The following GPM6A variants were observed in gnomAD, a reference collection of about 807,000 sequenced individuals.
GPM6A encodes the protein neuronal membrane glycoprotein M6-a.
Under a neutral mutation model 32.1 loss-of-function variants are expected in GPM6A, and 7 were observed. The ratio of observed to expected loss-of-function variants is 0.22; its 90% CI spans 0.12 to 0.41. GPM6A has a LOEUF of 0.41. Ranked by LOEUF, GPM6A falls within the 10% of genes least tolerant of loss-of-function variation. The pLI, the probability that GPM6A is intolerant of heterozygous loss-of-function variation, is 1.00. For synonymous variants in GPM6A, 130 were observed against 123.4 expected (o/e 1.05, Z -0.35); for missense variants, 235 against 347.2 (o/e 0.68, Z 2.57).
At chr4:175,922,602 T>C (rs951995543) in intron 1 of GPM6A, among the ~76,000 whole-genome samples, 4 of 152,130 alleles carry the variant, frequency 2.6e-5, no homozygotes, top group Non-Finnish European at 5.9e-5. Flanking sequence ...TTTTCCAAGG[T>C]GGTATAATGA....
chr4:175,896,958 TTTAATTCAAGATGA>T (rs1273864519), intron 1 of GPM6A, among the ~76,000 whole-genome samples: 3 of 152,136 alleles, frequency 2.0e-5, no homozygotes, highest in African/African-American at 7.2e-5. Context: ...ACTGAAAATG[TTTAATTCAAGATGA>T]TTAACTCAAG....
In GPM6A at chr4:175,701,786, G is replaced by T; in HGVS notation, c.38-19C>A. 1.3e-6 allele frequency: 2 copies of T among 1,543,182 alleles called. No individual in the cohort carries two copies. The highest frequency in any genetic ancestry group is 8.8e-7 in the Non-Finnish European group (1 of 1,135,164). ...AAACACCCTGTAGAAGATCACAAAGGGAGAAATTCATATTTTTGTTAACCT... is the reference window on the plus strand; with the variant it reads ...AAACACCCTGTAGAAGATCACAAAGTGAGAAATTCATATTTTTGTTAACCT... On this transcript the variant is annotated intron_variant, in intron 1 of 6. Transcript: ENST00000393658.
At chr4:175,813,108 C>T, upstream of GPM6A, 2 of 976,870 alleles carry the variant, frequency 2.0e-6, no homozygotes, top group Non-Finnish European at 2.4e-6. Flanking sequence ...GAAGGAAAAA[C>T]CCTATTGATG....
rs368165085 is a variant in GPM6A at position 175,800,181 on chromosome 4, G to A, written c.37+12010C>T. Among the ~76,000 whole-genome samples, 4 of 152,160 alleles carry A rather than the reference G, an allele frequency of 2.6e-5. No individual in the cohort carries two copies. The East Asian group carries it at 7.7e-4, about 29-fold the overall frequency. Reference sequence around the variant, plus strand: ...TTTGTGGTTGAGGGCTTAATGTTGTGGTTGAGGGCTAAACTGAAGAGCAAT... The same window carrying A: ...TTTGTGGTTGAGGGCTTAATGTTGTAGTTGAGGGCTAAACTGAAGAGCAAT... On this transcript the variant is annotated intron_variant, in intron 1 of 6. Coordinates refer to ENST00000393658, the MANE Select transcript of GPM6A (RefSeq NM_201591.3).
chr4:175,854,519 C>A (rs1284590318), intron 1 of GPM6A, among the ~76,000 whole-genome samples: 2 of 152,020 alleles, frequency 1.3e-5, no homozygotes, highest in African/African-American at 4.8e-5. Flanking sequence ...ATGTATGAAA[C>A]AATTGTTTCC....
At chr4:175,816,895 C>G (rs1187289575), upstream of GPM6A, among the ~76,000 whole-genome samples, 1 of 151,528 alleles carries the variant, frequency 6.6e-6, no homozygotes, top group East Asian at 1.9e-4. Context: ...GAGTCTCGCT[C>G]AAAGCCCAGG....
chr4:175,879,143 T>A (rs759969995), intron 1 of GPM6A, among the ~76,000 whole-genome samples: 3 of 152,152 alleles, frequency 2.0e-5, no homozygotes, highest in Non-Finnish European at 2.9e-5. Flanking sequence ...TCATTGCCCA[T>A]ATCATTATTA....
intron 1 of GPM6A, among the ~76,000 whole-genome samples, chr4:175,993,955 A>G (rs145413654): frequency 7.9e-5 from 12 of 152,322 alleles, no homozygotes; most frequent in East Asian, 7.7e-4. Context: ...ATGTAATAAT[A>G]TATGAAATAT....
At chr4:175,994,398 C>A (rs1741241304) in intron 1 of GPM6A, among the ~76,000 whole-genome samples, 1 of 152,080 alleles carries the variant, frequency 6.6e-6, no homozygotes, top group Admixed American at 6.6e-5. Flanking sequence ...GGGTTGCATT[C>A]TAAACAACTG....
intron 1 of GPM6A, among the ~76,000 whole-genome samples, chr4:175,859,220 G>T (rs1030146278): frequency 1.3e-5 from 2 of 152,150 alleles, no homozygotes; most frequent in Non-Finnish European, 2.9e-5. Context: ...TTTAATATGT[G>T]TAGTTGTTGT....
chr4:175,645,811 C>T (rs7678146), intron 4 of GPM6A, among the ~76,000 whole-genome samples: 107,535 of 152,070 alleles, frequency 0.71, 40,768 homozygotes, highest in Non-Finnish European at 0.85. Context: ...TCTGATAGCA[C>T]GATAGGAATT....
chr4:175,895,791 G>A (rs1458048947), intron 1 of GPM6A, among the ~76,000 whole-genome samples: 1 of 152,096 alleles, frequency 6.6e-6, no homozygotes, highest in African/African-American at 2.4e-5. Context: ...TATGATGTAT[G>A]GGTATAATAG....
At chr4:175,923,215 T>TTATATA (rs201557656) in intron 1 of GPM6A, among the ~76,000 whole-genome samples, 32 of 26,732 alleles carry the variant, frequency 1.2e-3, no homozygotes, top group African/African-American at 2.3e-3. Flanking sequence ...ATAACATGAT[T>TTATATA]TATATATATA....
At chr4:175,654,826 CA>C (rs1332248216) in intron 3 of GPM6A, among the ~76,000 whole-genome samples, 1 of 152,060 alleles carries the variant, frequency 6.6e-6, no homozygotes, top group African/African-American at 2.4e-5. Context: ...CATGATATGG[CA>C]GCCTGAAGCA....
intron 1 of GPM6A, among the ~76,000 whole-genome samples, chr4:175,737,026 TG>T (rs1731688389): frequency 6.6e-6 from 1 of 152,228 alleles, no homozygotes; most frequent in Non-Finnish European, 1.5e-5. Flanking sequence ...TAAATGACTA[TG>T]TTACTGGTTT....
rs1554007436 is a variant in GPM6A at position 175,991,231 on chromosome 4, A to ACT, written c.-23+11077_-23+11078insAG. ...CAGGTGCCCGCCACCACTCCCAGCT[A>ACT]TTTTTTTTTTTTTTTTGTATGCTTA... On this transcript the variant is annotated intron_variant, in intron 1 of 7. Transcript: ENST00000280187. Among the ~76,000 whole-genome samples the ACT allele has an allele frequency of 7.6e-5, 9 of 119,092 alleles. No individual in the cohort carries two copies. In the South Asian group the frequency reaches 2.0e-3, roughly 27 times the overall value. 78.1% of individuals were successfully genotyped at this position (119,092 alleles called of 152,430 possible). A position where few individuals can be genotyped will look rare whatever the true frequency, so the allele number is the denominator to read the frequency against.
At chr4:175,955,944 T>C (rs1739971944) in intron 1 of GPM6A, among the ~76,000 whole-genome samples, 1 of 152,158 alleles carries the variant, frequency 6.6e-6, no homozygotes, top group African/African-American at 2.4e-5. Context: ...AAATTAGCTT[T>C]TGTGGAAATA....
chr4:175,687,695 A>G (rs984334453), intron 2 of GPM6A, among the ~76,000 whole-genome samples: 2 of 152,114 alleles, frequency 1.3e-5, no homozygotes, highest in African/African-American at 4.8e-5. Flanking sequence ...ATACCCGGAA[A>G]TGGGATTGCT....
At chr4:175,662,852 G>T (rs1056295744) in intron 3 of GPM6A, among the ~76,000 whole-genome samples, 5 of 151,630 alleles carry the variant, frequency 3.3e-5, no homozygotes, top group Non-Finnish European at 7.4e-5. Flanking sequence ...TATTAACTTA[G>T]AAATGACATG....
Sources: gnomAD v4.1 joint callset for allele counts (sites outside exome capture counted in the v4.1 genomes callset) on GRCh38, gnomAD v4.1.1 for gene constraint, MANE v1.5 for transcripts, NCBI Gene and HGNC (gene_info 2026-07-23, HGNC 2026-07-21) for gene names.